Variants in DCLK1 observed in about 807,000 individuals in gnomAD.
DCLK1 encodes the protein doublecortin like kinase 1.
Under a neutral mutation model 86.2 loss-of-function variants are expected in DCLK1, and 16 were observed. That is an observed-to-expected ratio of 0.19 (90% CI 0.13 to 0.28). The LOEUF (loss-of-function observed/expected upper bound fraction) is 0.28. Among genes scored for constraint, DCLK1 ranks in the 10% least tolerant of loss-of-function variants. The probability of loss-of-function intolerance (pLI) is 1.00; values close to 1 mark genes in which losing one functional copy is unlikely to be tolerated. For missense variants in DCLK1, 590 were observed against 940.2 expected, an observed-to-expected ratio of 0.63 and a Z score of 4.87; for synonymous variants, 369 against 370.5, an observed-to-expected ratio of 1.00 and a Z score of 0.05.
At chr13:35,966,339 A>G (rs1022982154) in intron 3 of DCLK1, among the ~76,000 whole-genome samples, 1 of 152,234 alleles carries the variant, frequency 6.6e-6, no homozygotes, top group Non-Finnish European at 1.5e-5. Context: ...TTCTGCACCC[A>G]TGTTAATAGT....
chr13:36,110,706 T>A (rs1885582021), intron 3 of DCLK1, among the ~76,000 whole-genome samples: 1 of 152,124 alleles, frequency 6.6e-6, no homozygotes, highest in African/African-American at 2.4e-5. Flanking sequence ...AAAAAAAATT[T>A]TTTAAAAAAG....
intron 4 of DCLK1, among the ~76,000 whole-genome samples, chr13:35,922,699 TA>T (rs1875869012): frequency 6.6e-6 from 1 of 152,176 alleles, no homozygotes; most frequent in Admixed American, 6.5e-5. Context: ...AAGGCATTGT[TA>T]TGTATTGGGC....
intron 3 of DCLK1, among the ~76,000 whole-genome samples, chr13:36,109,682 T>A (rs1885539515): frequency 6.6e-6 from 1 of 152,234 alleles, no homozygotes; most frequent in Non-Finnish European, 1.5e-5. Flanking sequence ...TATCTGTGTT[T>A]CACTGATGAG....
chr13:35,849,567 T>G (rs1364896871), intron 6 of DCLK1: 6 of 978,310 alleles, frequency 6.1e-6, no homozygotes, highest in Non-Finnish European at 7.3e-6. Flanking sequence ...ACATTCAGAC[T>G]TTAAAATCAT....
At chr13:35,939,932 T>C (rs567691646) in intron 4 of DCLK1, among the ~76,000 whole-genome samples, 2 of 152,326 alleles carry the variant, frequency 1.3e-5, no homozygotes, top group East Asian at 3.9e-4. Flanking sequence ...GCCACTAGAA[T>C]AATATGCAAT....
chr13:36,029,340 G>T (rs1008126723), intron 3 of DCLK1, among the ~76,000 whole-genome samples: 39 of 152,158 alleles, frequency 2.6e-4, no homozygotes, highest in African/African-American at 9.4e-4. Context: ...TGTTTGTGTG[G>T]TTATCCATTG....
At position 36,112,132 on chromosome 13, in the gene DCLK1, C is replaced by T. The variant is rs745600254; in HGVS notation, c.460G>A (p.Val154Ile). ...KNVNPNWSVN[V>I]KTTSASRAVS... ...GCCCGAGAAGCCGAGGTGGTCTTGA[C>T]GTTCACCGACCAGTTGGGGTTCACA... The change falls in exon 3 of 17, where the codon GTC becomes ATC. Residue 154 changes from valine (V) to isoleucine (I), a missense_variant. Coordinates refer to ENST00000360631, the MANE Select transcript of DCLK1 (RefSeq NM_001330071.2). The T allele has an allele frequency of 5.6e-6, 9 of 1,613,428 alleles. No homozygotes were observed. The Admixed American group carries it at 6.7e-5, about 12-fold the overall frequency.
chr13:35,941,474 A>C (rs1877079006), intron 4 of DCLK1, among the ~76,000 whole-genome samples: 1 of 152,232 alleles, frequency 6.6e-6, no homozygotes, highest in African/African-American at 2.4e-5. Context: ...ATACCCAGGA[A>C]GAACAACACT....
intron 8 of DCLK1, among the ~76,000 whole-genome samples, chr13:35,833,897 A>G (rs1169649860): frequency 6.6e-6 from 1 of 152,238 alleles, no homozygotes; most frequent in Non-Finnish European, 1.5e-5. Context: ...TTAGGTTCTG[A>G]AGTTTCATAC....
chr13:35,777,158 G>A (rs1283505475), intron 16 of DCLK1, among the ~76,000 whole-genome samples: 2 of 152,166 alleles, frequency 1.3e-5, no homozygotes, highest in Non-Finnish European at 2.9e-5. Context: ...AAATGCTCCT[G>A]AGCTTTCAGG....
chr13:36,037,463 C>CT (rs71300912), intron 3 of DCLK1, among the ~76,000 whole-genome samples: 108,491 of 151,780 alleles, frequency 0.71, 39,627 homozygotes, highest in Middle Eastern at 0.78. Context: ...CTAATGTGAC[C>CT]TTTTTTCTCG....
At chr13:35,923,087 A>G (rs1318431894) in intron 4 of DCLK1, among the ~76,000 whole-genome samples, 1 of 152,160 alleles carries the variant, frequency 6.6e-6, no homozygotes, top group Non-Finnish European at 1.5e-5. Flanking sequence ...TCAATTGGGA[A>G]CTTAAGTAAA....
intron 5 of DCLK1, among the ~76,000 whole-genome samples, chr13:35,865,472 C>G (rs1197744259): frequency 1.3e-5 from 2 of 152,202 alleles, no homozygotes; most frequent in Admixed American, 6.5e-5. Context: ...GCTCTTTACT[C>G]TTTTCATGTG....
At chr13:35,846,578 A>G (rs147303599) in intron 6 of DCLK1, 1,143 of 985,334 alleles carry the variant, frequency 1.2e-3, no homozygotes, top group Middle Eastern at 0.011. Context: ...TTTTTTCCAC[A>G]TGCATAACAG....
chr13:36,126,215 A>T lies in DCLK1; in HGVS notation c.-19-59T>A, dbSNP rs10604618. 7.8e-4 allele frequency: 518 copies of T among 661,166 alleles called. 2 individuals are homozygous for T. Among genetic ancestry groups the T allele is most frequent in the African/African-American group, 3.2e-3 (121 of 37,744 alleles). The allele number at this position is 661,166 out of a possible 1,614,324, so 41.0% of individuals were successfully genotyped here. A position where few individuals can be genotyped will look rare whatever the true frequency, so the allele number is the denominator to read the frequency against. ...ATTGATGTAGGTTATATATATATAT[A>T]TATTTTTTTGTTTTTGTTTTTTTTA... On this transcript the variant is annotated intron_variant, in intron 1 of 16. Transcript: ENST00000360631.
Position 36,027,222 on chromosome 13 carries a change from C to T in DCLK1, c.724-79765G>A, listed in dbSNP as rs555719822. On this transcript the variant is annotated intron_variant, in intron 3 of 16. Coordinates refer to ENST00000360631, the MANE Select transcript of DCLK1 (RefSeq NM_001330071.2). ...GGATGGTTTTGGGATGAAACTGTTC[C>T]GCCTCAGATCATCGGGCATTAGATT... Among the ~76,000 whole-genome samples the T allele has an allele frequency of 2.0e-4, 31 of 152,222 alleles. No homozygotes were observed. The South Asian group carries it at 4.4e-3, about 21-fold the overall frequency.
chr13:35,788,433 C>A, intron 16 of DCLK1: 1 of 705,818 alleles, frequency 1.4e-6, no homozygotes, highest in Non-Finnish European at 2.4e-6. Context: ...CCTAAGTCTG[C>A]ATACTGACAA....
At chr13:36,089,725 T>A (rs780953077) in intron 3 of DCLK1, among the ~76,000 whole-genome samples, 7 of 152,172 alleles carry the variant, frequency 4.6e-5, no homozygotes, top group Non-Finnish European at 7.3e-5. Context: ...CAATAACATC[T>A]AGCTCTAATT....
At position 36,005,153 on chromosome 13, in the gene DCLK1, T is replaced by C. The variant is rs1033806102; in HGVS notation, c.724-57696A>G. Among the ~76,000 whole-genome samples, 3 of 152,166 alleles carry C rather than the reference T, an allele frequency of 2.0e-5. No homozygotes were observed. The South Asian group carries it at 6.2e-4, about 32-fold the overall frequency. On this transcript the variant is annotated intron_variant, in intron 3 of 16. Transcript: ENST00000360631. ...AAAACCGCATTTACTTAGAGGTTTC[T>C]AAGTAAGGTAACTTTCACATGTGTC...
Sources: gnomAD v4.1 joint callset for allele counts (sites outside exome capture counted in the v4.1 genomes callset) on GRCh38, gnomAD v4.1.1 for gene constraint, MANE v1.5 for transcripts, NCBI Gene and HGNC (gene_info 2026-07-23, HGNC 2026-07-21) for gene names.